Variants in FGF14 observed in about 807,000 individuals in gnomAD.
The protein encoded by FGF14 is fibroblast growth factor homologous factor 4.
A neutral mutation model predicts 25.5 loss-of-function variants in FGF14; 5 were observed. The observed-to-expected ratio is 0.20, with a 90% CI of 0.10 to 0.41. FGF14 has a LOEUF of 0.41. Ranked by LOEUF, FGF14 falls within the 10% of genes least tolerant of loss-of-function variation. The pLI, the probability that FGF14 is intolerant of heterozygous loss-of-function variation, is 1.00. For synonymous variants in FGF14, 138 were observed against 118.3 expected, an observed-to-expected ratio of 1.17 and a Z score of -1.08; for missense variants, 222 against 320.1, an observed-to-expected ratio of 0.69 and a Z score of 2.34.
At chr13:101,932,214 C>T (rs190264717) in intron 1 of FGF14, among the ~76,000 whole-genome samples, 3 of 152,192 alleles carry the variant, frequency 2.0e-5, no homozygotes, top group South Asian at 2.1e-4. Context: ...AGGTGTATGG[C>T]GTTCTTTTCA....
intron 1 of FGF14, among the ~76,000 whole-genome samples, chr13:102,159,222 G>C (rs149596077): frequency 1.3e-5 from 2 of 151,770 alleles, no homozygotes; most frequent in Admixed American, 6.6e-5. Flanking sequence ...AAAACTAGCT[G>C]TAATAGAATA....
At chr13:101,905,469 G>C (rs1054001979) in intron 1 of FGF14, among the ~76,000 whole-genome samples, 1 of 151,886 alleles carries the variant, frequency 6.6e-6, no homozygotes, top group African/African-American at 2.4e-5. Context: ...ACCAAACATC[G>C]CGTGTTCTCA....
chr13:101,943,826 A>AAATATATATATAT (rs1555324449), intron 1 of FGF14, among the ~76,000 whole-genome samples: 1 of 126,808 alleles, frequency 7.9e-6, no homozygotes, highest in African/African-American at 3.4e-5. Context: ...AAAAAAAAAA[A>AAATATATATATAT]ATATATATAT....
intron 1 of FGF14, among the ~76,000 whole-genome samples, chr13:102,206,373 T>C (rs558012714): frequency 7.6e-4 from 116 of 152,178 alleles, no homozygotes; most frequent in African/African-American, 2.6e-3. Flanking sequence ...AAAAAAAGAA[T>C]CTTTCTTAAA....
chr13:102,076,868 C>T (rs1051663842), intron 1 of FGF14, among the ~76,000 whole-genome samples: 1 of 152,150 alleles, frequency 6.6e-6, no homozygotes, highest in East Asian at 1.9e-4. Flanking sequence ...TACCTGACTT[C>T]AAAGCATACC....
chr13:102,221,741 G>A (rs1277259636), intron 1 of FGF14, among the ~76,000 whole-genome samples: 1 of 152,130 alleles, frequency 6.6e-6, no homozygotes, highest in Non-Finnish European at 1.5e-5. Context: ...AATTGCAAAT[G>A]TAGAATTACA....
chr13:102,290,095 A>G (rs1168162671), intron 1 of FGF14, among the ~76,000 whole-genome samples: 1 of 152,222 alleles, frequency 6.6e-6, no homozygotes, highest in African/African-American at 2.4e-5. Flanking sequence ...CTCAAATGGT[A>G]CAATGAACTG....
At chr13:101,884,080 A>AAAAAAAAAAAAAAAAAAAAAAAAAC (rs2045866816) in intron 1 of FGF14, among the ~76,000 whole-genome samples, 2 of 149,422 alleles carry the variant, frequency 1.3e-5, no homozygotes, top group African/African-American at 2.5e-5. Context: ...AAAAAAAAAA[A>AAAAAAAAAAAAAAAAAAAAAAAAAC]AAAAAAAGAC....
At chr13:102,396,937 TA>T (rs1416659775) in intron 1 of FGF14, among the ~76,000 whole-genome samples, 1 of 152,222 alleles carries the variant, frequency 6.6e-6, no homozygotes, top group Non-Finnish European at 1.5e-5. Flanking sequence ...TAAGGCCAAC[TA>T]ATACTACATT....
At chr13:102,039,366 T>C (rs2041624261) in intron 1 of FGF14, among the ~76,000 whole-genome samples, 1 of 152,194 alleles carries the variant, frequency 6.6e-6, no homozygotes, top group South Asian at 2.1e-4. Context: ...GGGGCTCCTG[T>C]AAGGAAGTAC....
intron 1 of FGF14, among the ~76,000 whole-genome samples, chr13:102,361,706 C>T (rs2057571455): frequency 6.6e-6 from 1 of 152,070 alleles, no homozygotes. Flanking sequence ...TTGTCTTTAC[C>T]TTTGAACACT....
At chr13:102,007,317 TTATGTATAGTG>T (rs2039857563) in intron 1 of FGF14, among the ~76,000 whole-genome samples, 2 of 152,294 alleles carry the variant, frequency 1.3e-5, no homozygotes, top group South Asian at 4.1e-4. Context: ...ATATAATGCT[TTATGTATAGTG>T]TATGTGTTCA....
rs181205154 is a variant in FGF14 at position 101,882,258 on chromosome 13, C to A, written c.194-6962G>T. ...CAGAATTTTCCACAGCCAGTTAAACCTATAGCAGACCGTATTAATTTGTTC... is the reference window on the plus strand; with the variant it reads ...CAGAATTTTCCACAGCCAGTTAAACATATAGCAGACCGTATTAATTTGTTC... On this transcript the variant is annotated intron_variant, in intron 1 of 4. Coordinates refer to ENST00000376143, the MANE Select transcript of FGF14 (RefSeq NM_004115.4). Among the ~76,000 whole-genome samples the A allele has an allele frequency of 4.6e-5, 7 of 152,162 alleles. No individual in the cohort carries two copies. In the East Asian group the frequency reaches 1.4e-3, roughly 29 times the overall value.
chr13:102,330,827 C>T (rs1431607166), intron 1 of FGF14, among the ~76,000 whole-genome samples: 1 of 152,166 alleles, frequency 6.6e-6, no homozygotes, highest in Non-Finnish European at 1.5e-5. Flanking sequence ...TCTTCACTAT[C>T]TGTCTCCCCT....
intron 1 of FGF14, among the ~76,000 whole-genome samples, chr13:102,334,063 T>C (rs1368064442): frequency 1.3e-5 from 2 of 152,124 alleles, no homozygotes; most frequent in Non-Finnish European, 2.9e-5. Flanking sequence ...TCTCCAAACA[T>C]GCACAGAAAG....
rs577310423 is a variant in FGF14 at position 101,838,430 on chromosome 13, A to C, written c.408+30295T>G. 1.4e-4 allele frequency among the ~76,000 whole-genome samples: 22 copies of C among 152,114 alleles called. No homozygotes were observed. In the South Asian group the frequency reaches 3.7e-3, roughly 26 times the overall value. On this transcript the variant is annotated intron_variant, in intron 3 of 4. Coordinates refer to ENST00000376143, the MANE Select transcript of FGF14 (RefSeq NM_004115.4). ...CCTTGACAAAGATTTTGCTCCAGGC[A>C]CAGTGATTCATCCTAAAGCCAAAAT... is the stretch of plus-strand genomic sequence containing the variant.
At chr13:101,969,952 G>A (rs148226232) in intron 1 of FGF14, among the ~76,000 whole-genome samples, 1 of 152,166 alleles carries the variant, frequency 6.6e-6, no homozygotes, top group Non-Finnish European at 1.5e-5. Context: ...TAATTTATGG[G>A]TCAGAACATT....
chr13:102,013,410 G>A (rs1272364536), intron 1 of FGF14, among the ~76,000 whole-genome samples: 1 of 152,124 alleles, frequency 6.6e-6, no homozygotes, highest in Non-Finnish European at 1.5e-5. Flanking sequence ...ATGTATTACA[G>A]TTTTTCTAAG....
At chr13:102,219,693 A>G (rs2050525908) in intron 1 of FGF14, among the ~76,000 whole-genome samples, 2 of 152,342 alleles carry the variant, frequency 1.3e-5, no homozygotes, top group Admixed American at 6.5e-5. Flanking sequence ...TCAAGCCCCA[A>G]TTCACAATTC....
Sources: gnomAD v4.1 joint callset for allele counts (sites outside exome capture counted in the v4.1 genomes callset) on GRCh38, gnomAD v4.1.1 for gene constraint, MANE v1.5 for transcripts, NCBI Gene and HGNC (gene_info 2026-07-23, HGNC 2026-07-21) for gene names.